Variants in NBPF11 observed in about 807,000 individuals in gnomAD.
NBPF11 encodes NBPF member 11.
NBPF11 carries 72 observed loss-of-function variants against 93.9 expected under a neutral mutation model. The observed-to-expected ratio is 0.77, with a 90% CI of 0.63 to 0.93. The LOEUF is 0.93. Among genes scored for constraint, NBPF11 ranks in the 40% least tolerant of loss-of-function variants. NBPF11 has a pLI of 0.00. For synonymous variants in NBPF11, 224 were observed against 304.9 expected (o/e 0.73, Z 2.76); for missense variants, 705 against 802.2 (o/e 0.88, Z 1.46).
At position 148,102,602 on chromosome 1, in the gene NBPF11, T is replaced by C. The variant is rs1426865622; in HGVS notation, c.*1294A>G. On this transcript the variant is annotated 3_prime_UTR_variant, in exon 24 of 24. Transcript: ENST00000682118. The stretch of plus-strand genomic sequence containing the variant: ...CCCGTCAAAAAGTTTAGGCTGAATT[T>C]AATTATGAAGACATTTTCAGACAAC... The C allele has an allele frequency of 6.6e-6, 1 of 150,906 alleles. No homozygotes were observed. The highest frequency in any genetic ancestry group is 1.5e-5 in the Non-Finnish European group (1 of 67,984). 9.3% of individuals were successfully genotyped at this position (150,906 alleles called of 1,614,324 possible).
intron 3 of NBPF11, among the ~76,000 whole-genome samples, chr1:148,136,513 G>C (rs1671312308): frequency 6.6e-6 from 1 of 150,542 alleles, no homozygotes; most frequent in Non-Finnish European, 1.5e-5. Context: ...ACGCAAAACA[G>C]TGTGAGAAAA....
chr1:148,145,603 G>T (rs1454333385), intron 1 of NBPF11, among the ~76,000 whole-genome samples: 4 of 151,582 alleles, frequency 2.6e-5, no homozygotes, highest in Non-Finnish European at 5.9e-5. Context: ...TACTCTGGCC[G>T]GGTGCGGTAG....
intron 10 of NBPF11, among the ~76,000 whole-genome samples, chr1:148,120,265 CAATA>C (rs1401059231): frequency 1.4e-4 from 22 of 152,104 alleles, no homozygotes; most frequent in Non-Finnish European, 4.4e-5. Flanking sequence ...TGTCAGAAAT[CAATA>C]AATGGCAGTT....
chr1:148,104,102 CAGAGAG>C (rs1193776076), intron 23 of NBPF11, among the ~76,000 whole-genome samples, 190 bp from the exon 24 acceptor site: 8 of 139,770 alleles, frequency 5.7e-5, no homozygotes, highest in African/African-American at 8.5e-5. Flanking sequence ...AAGAGAAAGA[CAGAGAG>C]AGAGAGACAG....
intron 2 of NBPF11, among the ~76,000 whole-genome samples, chr1:148,142,141 G>C (rs1672299436): frequency 6.6e-6 from 1 of 151,428 alleles, no homozygotes; most frequent in African/African-American, 2.4e-5. Context: ...AAGAGAGTGG[G>C]AGGGAAGTAG....
chr1:148,147,963 G>T (rs1673465740), intron 1 of NBPF11, among the ~76,000 whole-genome samples: 1 of 152,076 alleles, frequency 6.6e-6, no homozygotes, highest in African/African-American at 2.4e-5. Context: ...AGCCATGAGG[G>T]GGAGGCCAGA....
chr1:148,108,672 A>T lies in NBPF11; in HGVS notation c.1854-18T>A, dbSNP rs1664422475. 3.4e-6 allele frequency: 3 copies of T among 882,396 alleles called. No homozygotes were observed. Among genetic ancestry groups the T allele is most frequent in the South Asian group, 1.3e-5 (1 of 76,480 alleles). 54.7% of individuals were successfully genotyped at this position (882,396 alleles called of 1,614,324 possible). On this transcript the variant is annotated intron_variant, in intron 17 of 23. Transcript: ENST00000682118. ...TGCTGAGCCTGGAAAAGTGGGAAAA[A>T]GTAAAGAATAAGCCAGGGGGAATCA...
chr1:148,150,532 T>G (rs1272300490), intron 1 of NBPF11, among the ~76,000 whole-genome samples: 1 of 151,434 alleles, frequency 6.6e-6, no homozygotes, highest in Non-Finnish European at 1.5e-5. Context: ...GAGCTTTTGG[T>G]TCACTGGTGA....
chr1:148,140,654 G>A (rs1311255387), intron 2 of NBPF11, among the ~76,000 whole-genome samples: 8 of 150,438 alleles, frequency 5.3e-5, no homozygotes, highest in African/African-American at 1.7e-4. Context: ...ATATGAGAAA[G>A]ATGCTCAAAA....
intron 15 of NBPF11, among the ~76,000 whole-genome samples, chr1:148,112,250 C>T (rs1361099182): frequency 3.4e-5 from 5 of 145,570 alleles, no homozygotes; most frequent in African/African-American, 1.1e-4. Flanking sequence ...TGTGCTTCAC[C>T]CATTAACTCA....
chr1:148,116,966 C>T (rs1474706880), intron 12 of NBPF11, among the ~76,000 whole-genome samples: 2 of 152,210 alleles, frequency 1.3e-5, no homozygotes, highest in Non-Finnish European at 2.9e-5. Context: ...CTCCAAGTGG[C>T]TTCTGCTGTG....
chr1:148,145,531 G>A (rs1468601809), intron 1 of NBPF11, among the ~76,000 whole-genome samples: 2 of 148,674 alleles, frequency 1.3e-5, no homozygotes, highest in East Asian at 4.0e-4. Context: ...TCTTAAACAG[G>A]ACACAATAAG....
chr1:148,115,599 G>A (rs1224473860), intron 14 of NBPF11, among the ~76,000 whole-genome samples, 194 bp downstream of exon 14: 4 of 151,776 alleles, frequency 2.6e-5, no homozygotes, highest in African/African-American at 9.7e-5. Context: ...GCCTGGGGTC[G>A]AGTAACTTGA....
At chr1:148,134,774 A>G (rs1192499248) in intron 4 of NBPF11, among the ~76,000 whole-genome samples, 1 of 151,926 alleles carries the variant, frequency 6.6e-6, no homozygotes, top group Non-Finnish European at 1.5e-5. Flanking sequence ...TGAAGAGTAC[A>G]CAGAGACTGC....
At chr1:148,149,158 C>G (rs1647562594) in intron 1 of NBPF11, 7 of 1,588,630 alleles carry the variant, frequency 4.4e-6, no homozygotes, top group Non-Finnish European at 6.0e-6. Flanking sequence ...CCGGCGCCGC[C>G]AGGTACGGCA....
Position 148,126,859 on chromosome 1 carries a change from C to T in NBPF11, c.145G>A (p.Gly49Ser), listed in dbSNP as rs1553273223. 3.7e-4 allele frequency: 552 copies of T among 1,511,548 alleles called. 6 individuals carry two copies. In the African/African-American group the frequency reaches 4.0e-3, roughly 11 times the overall value. The allele number at this position is 1,511,548 out of a possible 1,614,324, so 93.6% of individuals were successfully genotyped here. Residue 49 changes from glycine to serine, a missense_variant, in exon 5 of 24, where the codon GGC (glycine) becomes AGC (serine). Gly to Ser is a moderately conservative substitution (Grantham distance 56). This residue lies in a region of NBPF11 where 128 missense variants were observed against 112.8 expected (regional missense o/e 1.14). Coordinates refer to ENST00000682118, the MANE Select transcript of NBPF11 (RefSeq NM_001385469.3). ...KERCFLTQLA[G>S]FLANRQKKYK... is the part of the protein sequence containing the mutation. ...TTCTTCTGTCGGTTGGCCAGGAAGC[C>T]GGCCAGTTGAGTTAGAAAACATCTC...
Position 148,118,688 on chromosome 1 carries a change from C to T in NBPF11, c.1023G>A (p.Met341Ile), listed in dbSNP as rs1452196169. The change falls in exon 11 of 24, where the codon ATG becomes ATA. Residue 341 changes from methionine (M) to isoleucine (I), a missense_variant. Met to Ile is a conservative substitution (Grantham distance 10). Coordinates refer to ENST00000682118, the MANE Select transcript of NBPF11 (RefSeq NM_001385469.3). ...YEECKDLIKSMLRNERQFKEE... is the reference protein window; with the variant it reads ...YEECKDLIKSILRNERQFKEE... ...CCTTGAACTGTCGCTCATTCCTCAGCATAGATTTTATGAGGTCTTTGCACT... is the reference window on the plus strand; with the variant it reads ...CCTTGAACTGTCGCTCATTCCTCAGTATAGATTTTATGAGGTCTTTGCACT... The T allele has an allele frequency of 6.2e-7, 1 of 1,613,030 alleles. No homozygotes were observed. Among genetic ancestry groups the T allele is most frequent in the African/African-American group, 1.3e-5 (1 of 74,678 alleles).
At chr1:148,118,256 A>G (rs1667020741) in intron 11 of NBPF11, among the ~76,000 whole-genome samples, 2 of 151,768 alleles carry the variant, frequency 1.3e-5, no homozygotes, top group Admixed American at 1.3e-4. Flanking sequence ...AAGAATGAGA[A>G]GCCGCAGTCA....
chr1:148,125,731 G>T (rs1668963103), intron 5 of NBPF11, among the ~76,000 whole-genome samples: 1 of 151,992 alleles, frequency 6.6e-6, no homozygotes. Context: ...AATACCTCAT[G>T]TAATTCATTG....
Sources: gnomAD v4.1 joint callset for allele counts (sites outside exome capture counted in the v4.1 genomes callset) on GRCh38, gnomAD v4.1.1 for gene constraint, gnomAD v4.1.1 regional missense constraint, MANE v1.5 for transcripts, NCBI Gene and HGNC (gene_info 2026-07-23, HGNC 2026-07-21) for gene names.